Variants in DCP2 observed in about 807,000 individuals in gnomAD.
The protein encoded by DCP2 is m7GpppN-mRNA hydrolase.
A neutral mutation model predicts 56.1 loss-of-function variants in DCP2; 30 were observed. The observed-to-expected ratio is 0.53, with a 90% CI of 0.40 to 0.73. The LOEUF is 0.73. DCP2 is among the 30% of genes least tolerant of loss of function. The probability of loss-of-function intolerance (pLI) is 0.00; values close to 1 mark genes in which losing one functional copy is unlikely to be tolerated. For missense variants in DCP2, 533 were observed against 502.7 expected (o/e 1.06, Z -0.58); for synonymous variants, 197 against 163.3 (o/e 1.21, Z -1.57).
intron 4 of DCP2, among the ~76,000 whole-genome samples, chr5:112,993,595 G>C (rs2150177393): frequency 7.0e-6 from 1 of 142,042 alleles, no homozygotes; most frequent in East Asian, 2.1e-4. Flanking sequence ...TTGCACTCTA[G>C]CCTGGGCAAC....
intron 4 of DCP2, among the ~76,000 whole-genome samples, chr5:112,996,446 C>G (rs1453004520): frequency 6.6e-6 from 1 of 152,034 alleles, no homozygotes; most frequent in Middle Eastern, 3.2e-3. Flanking sequence ...CATTTAAGTT[C>G]TACCATGGGT....
rs6876686 is a variant in DCP2, at chr5:113,014,401, C to T, written c.*917C>T. 29,122 of 152,182 alleles carry T rather than the reference C, an allele frequency of 0.19. 2,926 individuals carry two copies. The highest frequency in any genetic ancestry group is 0.21 in the Non-Finnish European group (14,516 of 68,002). The allele number at this position is 152,182 out of a possible 1,614,324, so 9.4% of individuals were successfully genotyped here. A position where few individuals can be genotyped will look rare whatever the true frequency, so the allele number is the denominator to read the frequency against. On this transcript the variant is annotated 3_prime_UTR_variant, in exon 11 of 11. Transcript: ENST00000389063. ...TATTGATCTTTGGAAACTGATGTTA[C>T]ATTAGGTTCCAATTCGCAATAGTAG...
At chr5:112,992,871 T>G in intron 4 of DCP2, 101 bp downstream of exon 4, 4 of 752,930 alleles carry the variant, frequency 5.3e-6, no homozygotes, top group Non-Finnish European at 7.7e-6. Context: ...TCTTAACCCT[T>G]TCCAGAACTT....
At chr5:112,989,551 T>C (rs1182727493) in intron 2 of DCP2, among the ~76,000 whole-genome samples, 1 of 152,022 alleles carries the variant, frequency 6.6e-6, no homozygotes, top group African/African-American at 2.4e-5. Flanking sequence ...AGATAAGAGA[T>C]GATGCTACAG....
Position 113,016,220 on chromosome 5 carries a change from T to A in DCP2, c.*2736T>A, listed in dbSNP as rs1749880005. 6.6e-6 allele frequency: 1 copy of A among 152,644 alleles called. No homozygotes were observed. Among genetic ancestry groups the A allele is most frequent in the African/African-American group, 2.4e-5 (1 of 41,460 alleles). 9.5% of individuals were successfully genotyped at this position (152,644 alleles called of 1,614,324 possible). On this transcript the variant is annotated 3_prime_UTR_variant, in exon 11 of 11. Coordinates refer to ENST00000389063, the MANE Select transcript of DCP2 (RefSeq NM_152624.6). ...TTACATGCTTTTCAAAAATTTTTGTTAAGAAGTAGCAAATGAATGGTTTAG... is the reference window on the plus strand; with the variant it reads ...TTACATGCTTTTCAAAAATTTTTGTAAAGAAGTAGCAAATGAATGGTTTAG...
intron 4 of DCP2, among the ~76,000 whole-genome samples, chr5:112,997,492 G>T (rs545588821): frequency 1.2e-4 from 18 of 152,210 alleles, no homozygotes; most frequent in Admixed American, 9.8e-4. Context: ...TTAATACAAA[G>T]CAACTATTGG....
intron 3 of DCP2, among the ~76,000 whole-genome samples, 182 bp downstream of exon 3, chr5:112,992,430 A>G (rs1395584850): frequency 1.3e-5 from 2 of 152,136 alleles, no homozygotes; most frequent in African/African-American, 4.8e-5. Context: ...TACTTGTTGC[A>G]GTTACGGTGT....
rs139656811 is a variant in DCP2 at position 113,008,572 on chromosome 5, A to G, written c.1047+530A>G. Among the ~76,000 whole-genome samples, 1,054 of 152,266 alleles carry G rather than the reference A, an allele frequency of 6.9e-3. 9 individuals carry two copies. Among genetic ancestry groups the G allele is most frequent in the African/African-American group, 0.023 (975 of 41,560 alleles). On this transcript the variant is annotated intron_variant, in intron 9 of 10. Transcript: ENST00000389063. ...CGTTATCTTTTCTGTAAGTTCTGAT[A>G]TTTGTATATTAGGTTTTCTTATTGT...
chr5:113,010,682 G>A, intron 9 of DCP2, 74 bp from the exon 10 acceptor site: 1 of 1,388,744 alleles, frequency 7.2e-7, no homozygotes, highest in South Asian at 1.6e-5. Context: ...TACATCTTTT[G>A]ATTTTTAATA....
At chr5:112,984,751 C>T (rs1261910188) in intron 1 of DCP2, 3 of 127,214 alleles carry the variant, frequency 2.4e-5, no homozygotes, top group African/African-American at 9.5e-5. Flanking sequence ...GTCACCCAGG[C>T]TGGAATGTAG....
intron 2 of DCP2, among the ~76,000 whole-genome samples, chr5:112,987,240 TA>T (rs1260257268): frequency 6.6e-6 from 1 of 152,074 alleles, no homozygotes; most frequent in Non-Finnish European, 1.5e-5. Context: ...TTTGAGGGAA[TA>T]TAGGATTTTC....
rs1249499701 is a variant in DCP2 at position 113,018,995 on chromosome 5, G to A, written c.*5511G>A. The A allele has an allele frequency of 6.6e-6, 1 of 152,180 alleles. No homozygotes were observed. Among genetic ancestry groups the A allele is most frequent in the Admixed American group, 6.5e-5 (1 of 15,274 alleles). The allele number at this position is 152,180 out of a possible 1,614,324, so 9.4% of individuals were successfully genotyped here. Reference sequence around the variant, plus strand: ...CTTGGGAACAACAGACTTGTGTGTGGTTCTAGAGTGAAATGGGCAGTGTTC... The same window carrying A: ...CTTGGGAACAACAGACTTGTGTGTGATTCTAGAGTGAAATGGGCAGTGTTC... On this transcript the variant is annotated 3_prime_UTR_variant, in exon 11 of 11. Coordinates refer to ENST00000389063, the MANE Select transcript of DCP2 (RefSeq NM_152624.6).
rs1460527906 is a variant in DCP2, at chr5:113,019,585, C to G, written c.*6101C>G. 1 of 152,154 alleles carries G rather than the reference C, an allele frequency of 6.6e-6. No homozygotes were observed. Among genetic ancestry groups the G allele is most frequent in the African/African-American group, 2.4e-5 (1 of 41,428 alleles). The allele number at this position is 152,154 out of a possible 1,614,324, so 9.4% of individuals were successfully genotyped here. On this transcript the variant is annotated 3_prime_UTR_variant, in exon 11 of 11. Transcript: ENST00000389063. ...ACTTTAGAGTTAGGACAGGAGACAG[C>G]TAACCTGACTTCCATTTTACAAATA...
chr5:112,981,380 T>C (rs764355362), intron 1 of DCP2, among the ~76,000 whole-genome samples: 5 of 152,194 alleles, frequency 3.3e-5, no homozygotes, highest in Non-Finnish European at 7.3e-5. Context: ...GTCTCTGATA[T>C]GGTGAGATGA....
chr5:112,997,722 C>A (rs1172084453), intron 4 of DCP2, among the ~76,000 whole-genome samples: 1 of 151,696 alleles, frequency 6.6e-6, no homozygotes, highest in Non-Finnish European at 1.5e-5. Context: ...TCAAGTGATT[C>A]TCCTGTCTCA....
intron 10 of DCP2, 24 bp downstream of exon 10, chr5:113,010,831 T>A: frequency 1.3e-6 from 2 of 1,594,090 alleles, no homozygotes; most frequent in East Asian, 2.2e-5. Flanking sequence ...TATCTTTTTA[T>A]AATCTCTGCC....
chr5:112,976,868 G>C lies in DCP2; in HGVS notation c.-66G>C, dbSNP rs750477912. The stretch of plus-strand genomic sequence containing the variant: ...AGCTCTCCGGCGAGCCGGAGTCCTA[G>C]TGCCGTACCGTCAGTCCCCGGCCGC... On this transcript the variant is annotated 5_prime_UTR_variant, in exon 1 of 11. Coordinates refer to ENST00000389063, the MANE Select transcript of DCP2 (RefSeq NM_152624.6). The C allele has an allele frequency of 8.4e-6, 13 of 1,551,168 alleles. No individual in the cohort carries two copies. Among genetic ancestry groups the C allele is most frequent in the Non-Finnish European group, 1.2e-5 (13 of 1,122,770 alleles).
At chr5:112,979,789 C>G (rs1467653855) in intron 1 of DCP2, among the ~76,000 whole-genome samples, 1 of 152,148 alleles carries the variant, frequency 6.6e-6, no homozygotes, top group Non-Finnish European at 1.5e-5. Context: ...AATTAGCACA[C>G]AGTAAACTGA....
At chr5:113,011,266 T>G (rs1440445463) in intron 10 of DCP2, among the ~76,000 whole-genome samples, 1 of 152,194 alleles carries the variant, frequency 6.6e-6, no homozygotes, top group Admixed American at 6.5e-5. Flanking sequence ...AAGGAACATT[T>G]TTCCCTCTTT....
Sources: allele counts gnomAD v4.1 joint callset (sites outside exome capture counted in the v4.1 genomes callset), GRCh38; gene constraint gnomAD v4.1.1; transcripts MANE v1.5; gene names NCBI Gene and HGNC (gene_info 2026-07-23, HGNC 2026-07-21).